Variants in ESRRB observed in about 807,000 individuals in gnomAD.
The protein encoded by ESRRB is estrogen related receptor beta, also known as steroid hormone receptor ERR2.
In ESRRB, 16 loss-of-function variants were observed where a neutral mutation model predicts 46.0. The ratio of observed to expected loss-of-function variants is 0.35; its 90% CI spans 0.24 to 0.53. ESRRB has a LOEUF of 0.53. Among genes scored for constraint, ESRRB ranks in the 20% least tolerant of loss-of-function variants. The probability of loss-of-function intolerance (pLI) is 0.93; values close to 1 mark genes in which losing one functional copy is unlikely to be tolerated. For missense variants in ESRRB, 488 were observed against 607.4 expected (o/e 0.80, Z 2.07); for synonymous variants, 246 against 259.6 (o/e 0.95, Z 0.50).
In ESRRB at chr14:76,422,634, G is replaced by A. The variant is rs79626642; in HGVS notation, c.51-16707G>A. The stretch of plus-strand genomic sequence containing the variant: ...TGCTGAGATAACAGCACATATTTTC[G>A]AGCACTTACAATGTACAGGTGCCCA... On this transcript the variant is annotated intron_variant, in intron 1 of 6. Coordinates refer to ENST00000644823, the MANE Select transcript of ESRRB (RefSeq NM_001379180.1). Among the ~76,000 whole-genome samples, 265 of 152,280 alleles carry A rather than the reference G, an allele frequency of 1.7e-3. 1 individual carries two copies. Among genetic ancestry groups the A allele is most frequent in the African/African-American group, 6.1e-3 (254 of 41,572 alleles).
At chr14:76,378,239 T>C (rs1884860613) in intron 1 of ESRRB, among the ~76,000 whole-genome samples, 1 of 152,212 alleles carries the variant, frequency 6.6e-6, no homozygotes, top group South Asian at 2.1e-4. Context: ...TGAAAATTCG[T>C]ATGAAGGAAG....
intron 1 of ESRRB, among the ~76,000 whole-genome samples, chr14:76,428,080 C>A (rs1298969425): frequency 6.6e-6 from 1 of 152,200 alleles, no homozygotes; most frequent in Non-Finnish European, 1.5e-5. Flanking sequence ...CTCACCACAA[C>A]CTCTGCCTCC....
chr14:76,469,039 C>T (rs1431316405), intron 3 of ESRRB, among the ~76,000 whole-genome samples: 1 of 152,102 alleles, frequency 6.6e-6, no homozygotes, highest in South Asian at 2.1e-4. Context: ...GCTGGTCCCC[C>T]TCCTGCCCTT....
intron 1 of ESRRB, among the ~76,000 whole-genome samples, chr14:76,406,869 G>A (rs116216459): frequency 0.01 from 1,563 of 152,338 alleles, 28 homozygotes; most frequent in African/African-American, 0.036. Flanking sequence ...ATTGGGTAGG[G>A]AGAGTCCTCT....
intron 2 of ESRRB, among the ~76,000 whole-genome samples, chr14:76,451,906 A>G (rs533214397): frequency 8.2e-5 from 12 of 146,360 alleles, no homozygotes; most frequent in African/African-American, 3.1e-4. Context: ...GCCAAAGTGC[A>G]GGGATTACAG....
chr14:76,424,530 A>C (rs1887115909), intron 1 of ESRRB, among the ~76,000 whole-genome samples: 1 of 152,152 alleles, frequency 6.6e-6, no homozygotes, highest in African/African-American at 2.4e-5. Flanking sequence ...GTCCTTTGGG[A>C]ATGCACAGGG....
chr14:76,317,145 C>T (rs181799725), intron 1 of ESRRB, among the ~76,000 whole-genome samples: 79 of 133,444 alleles, frequency 5.9e-4, no homozygotes, highest in Non-Finnish European at 1.2e-3. Context: ...TTTCTGCTCT[C>T]GTTTGGAAGA....
intron 1 of ESRRB, among the ~76,000 whole-genome samples, chr14:76,384,860 C>T (rs1204484192): frequency 2.0e-5 from 3 of 152,070 alleles, no homozygotes; most frequent in African/African-American, 7.3e-5. Flanking sequence ...CATTTGGCTT[C>T]TATGAGGCCG....
chr14:76,362,325 T>C (rs776359990), intron 1 of ESRRB, among the ~76,000 whole-genome samples: 5 of 152,182 alleles, frequency 3.3e-5, no homozygotes, highest in Non-Finnish European at 7.4e-5. Context: ...CGAGCTTGGG[T>C]CTGCCATACT....
chr14:76,380,115 C>T (rs1304402329), intron 1 of ESRRB, among the ~76,000 whole-genome samples: 2 of 152,140 alleles, frequency 1.3e-5, no homozygotes, highest in East Asian at 1.9e-4. Flanking sequence ...ATTCATATTC[C>T]TGATAACTGG....
intron 2 of ESRRB, among the ~76,000 whole-genome samples, chr14:76,452,626 A>AAAAAAACAAAAAAAAAAC (rs369877913): frequency 2.3e-4 from 29 of 124,258 alleles, no homozygotes; most frequent in Middle Eastern, 3.9e-3. Flanking sequence ...TCTCCAAAAA[A>AAAAAAACAAAAAAAAAAC]AAAAACAAAA....
chr14:76,500,126 G>C lies in ESRRB; in HGVS notation c.*1668G>C. On this transcript the variant is annotated 3_prime_UTR_variant, in exon 7 of 7. Coordinates refer to ENST00000644823, the MANE Select transcript of ESRRB (RefSeq NM_001379180.1). ...TCCCACCTCCTTGGCTCTACCCCAG[G>C]AACCTCCCGGCCTGGGCTTCTGGGC... is the stretch of plus-strand genomic sequence containing the variant. 7.0e-7 allele frequency: 1 copy of C among 1,436,010 alleles called. No homozygotes were observed. Among genetic ancestry groups the C allele is most frequent in the Non-Finnish European group, 9.5e-7 (1 of 1,054,428 alleles). The allele number at this position is 1,436,010 out of a possible 1,614,324, so 89.0% of individuals were successfully genotyped here.
chr14:76,488,459 T>C (rs1414973397), intron 5 of ESRRB, among the ~76,000 whole-genome samples: 2 of 152,154 alleles, frequency 1.3e-5, no homozygotes, highest in African/African-American at 4.8e-5. Flanking sequence ...GCCTGACTCC[T>C]ACAAGATAGG....
upstream of ESRRB, among the ~76,000 whole-genome samples, chr14:76,373,632 G>T (rs551248092): frequency 1.3e-4 from 20 of 152,180 alleles, no homozygotes; most frequent in Non-Finnish European, 2.2e-4. Flanking sequence ...AGGGTGTCCC[G>T]GCGGCTGGCC....
intron 1 of ESRRB, among the ~76,000 whole-genome samples, chr14:76,422,199 T>C (rs1249668682): frequency 7.0e-6 from 1 of 142,560 alleles, no homozygotes; most frequent in Non-Finnish European, 1.5e-5. Context: ...CCTTGCCACA[T>C]TTCCTTCTTT....
At chr14:76,326,404 G>T (rs544432866) in intron 1 of ESRRB, among the ~76,000 whole-genome samples, 66 of 152,270 alleles carry the variant, frequency 4.3e-4, no homozygotes, top group African/African-American at 1.5e-3. Context: ...CTGCTTCTTA[G>T]CTTTGGGATC....
intron 1 of ESRRB, among the ~76,000 whole-genome samples, chr14:76,327,487 AATG>A (rs10543425): frequency 0.11 from 17,194 of 150,656 alleles, 1,204 homozygotes; most frequent in African/African-American, 0.18. Context: ...TGATGATGAT[AATG>A]ATGATGATGA....
chr14:76,350,333 CAG>C (rs1482607345), intron 1 of ESRRB, among the ~76,000 whole-genome samples: 1 of 152,228 alleles, frequency 6.6e-6, no homozygotes, highest in Non-Finnish European at 1.5e-5. Context: ...GTGCTGGACA[CAG>C]AACAATTCAA....
chr14:76,318,898 T>C (rs549779090), intron 1 of ESRRB, among the ~76,000 whole-genome samples: 1 of 152,308 alleles, frequency 6.6e-6, no homozygotes, highest in African/African-American at 2.4e-5. Context: ...CTGACCACAA[T>C]ACCCCTAATG....
Sources: gnomAD v4.1 joint callset for allele counts (sites outside exome capture counted in the v4.1 genomes callset) on GRCh38, gnomAD v4.1.1 for gene constraint, MANE v1.5 for transcripts, NCBI Gene and HGNC (gene_info 2026-07-23, HGNC 2026-07-21) for gene names.